The following TTPAL variants were observed in gnomAD, a reference collection of about 807,000 sequenced individuals.
TTPAL encodes alpha tocopherol transfer protein like, also known as alpha-tocopherol transfer protein-like.
TTPAL carries 21 observed loss-of-function variants against 28.7 expected under a neutral mutation model. That is an observed-to-expected ratio of 0.73 (90% CI 0.52 to 1.06). The LOEUF is 1.06. Ranked by LOEUF, TTPAL falls within the 50% of genes least tolerant of loss-of-function variation. The pLI is 0.00. For synonymous variants in TTPAL, 169 were observed against 171.9 expected, an observed-to-expected ratio of 0.98 and a Z score of 0.13; for missense variants, 345 against 425.5, an observed-to-expected ratio of 0.81 and a Z score of 1.67.
In TTPAL at chr20:44,480,075, C is replaced by T. The variant is rs1311513179; in HGVS notation, c.76C>T (p.Pro26Ser). 1 of 1,614,248 alleles carries T rather than the reference C, an allele frequency of 6.2e-7. No homozygotes were observed. The highest frequency in any genetic ancestry group is 1.7e-5 in the Admixed American group (1 of 60,022). ...SLSENELPPP[P>S]EPPGYVCSLT... ...CTCTGAAAATGAGCTGCCACCACCACCTGAGCCTCCGGGCTATGTGTGCTC... is the reference window on the plus strand; with the variant it reads ...CTCTGAAAATGAGCTGCCACCACCATCTGAGCCTCCGGGCTATGTGTGCTC... Residue 26 changes from proline to serine, a missense_variant, in exon 2 of 5, where the codon CCT becomes TCT. Transcript: ENST00000262605. This position sits in a 1 kb window ranked among gnomAD's most constrained non-coding sequence, Gnocchi z 4.1.
At chr20:44,487,956 A>C (rs1460383972) in intron 4 of TTPAL, among the ~76,000 whole-genome samples, 3 of 152,122 alleles carry the variant, frequency 2.0e-5, no homozygotes, top group African/African-American at 7.2e-5. Context: ...TTTAGTAGAG[A>C]TAGGCTTTTA....
At chr20:44,478,759 G>A (rs772392698) in intron 1 of TTPAL, 1 of 152,144 alleles carries the variant, frequency 6.6e-6, no homozygotes, top group East Asian at 1.9e-4. Context: ...TTTTTAATAT[G>A]TCAATTCATA....
rs201665521 is a variant in TTPAL, at chr20:44,487,799, C to T, written c.750+1093C>T. Among the ~76,000 whole-genome samples the T allele has an allele frequency of 3.9e-5, 6 of 152,276 alleles. No homozygotes were observed. In the East Asian group the frequency reaches 5.8e-4, roughly 15 times the overall value. Reference sequence around the variant, plus strand: ...TTTTTCTTTTTTTGAGACGGAGTCTCGCTCCGTCACCCAGGCTGGAGTGCA... The same window carrying T: ...TTTTTCTTTTTTTGAGACGGAGTCTTGCTCCGTCACCCAGGCTGGAGTGCA... On this transcript the variant is annotated intron_variant, in intron 4 of 4. Coordinates refer to ENST00000262605, the MANE Select transcript of TTPAL (RefSeq NM_001039199.3).
intron 1 of TTPAL, among the ~76,000 whole-genome samples, chr20:44,479,529 G>A (rs763210691): frequency 4.7e-5 from 7 of 148,962 alleles, no homozygotes; most frequent in African/African-American, 1.5e-4. Context: ...CTCCCAAGTA[G>A]CTGAGATTAC....
At chr20:44,489,164 T>G in intron 4 of TTPAL, 99 bp from the exon 5 acceptor site, 6 of 1,347,640 alleles carry the variant, frequency 4.5e-6, no homozygotes, top group Non-Finnish European at 6.1e-6. Flanking sequence ...TTTCCTTTCT[T>G]CATTCAACAG....
chr20:44,489,738 A>G lies in TTPAL; in HGVS notation c.*197A>G. The G allele has an allele frequency of 1.7e-6, 1 of 580,754 alleles. No homozygotes were observed. The highest frequency in any genetic ancestry group is 3.0e-6 in the Non-Finnish European group (1 of 333,592). The allele number at this position is 580,754 out of a possible 1,614,324, so 36.0% of individuals were successfully genotyped here. A position where few individuals can be genotyped will look rare whatever the true frequency, so the allele number is the denominator to read the frequency against. On this transcript the variant is annotated 3_prime_UTR_variant, in exon 5 of 5. Coordinates refer to ENST00000262605, the MANE Select transcript of TTPAL (RefSeq NM_001039199.3). ...TTTAATTACTCCATGGAAGACATGGAAAATGTCCCCACTGATTCTTAAACA... is the reference window on the plus strand; with the variant it reads ...TTTAATTACTCCATGGAAGACATGGGAAATGTCCCCACTGATTCTTAAACA...
In TTPAL at chr20:44,489,437, G is replaced by A. The variant is rs776933800; in HGVS notation, c.925G>A (p.Asp309Asn). Residue 309 changes from aspartate to asparagine, a missense_variant, in exon 5 of 5, where the codon GAC becomes AAC. By Grantham distance (23) the Asp-to-Asn change is conservative. Transcript: ENST00000262605. ...GTTCTGCCAACCTGTTCCTGCCTGT[G>A]ACAGCATCCTGGGCCAGACGCTGCT... is the stretch of plus-strand genomic sequence containing the variant. ...KEFCQPVPAC[D>N]SILGQTLLPE... 1 of 1,614,184 alleles carries A rather than the reference G, an allele frequency of 6.2e-7. No homozygotes were observed. The highest frequency in any genetic ancestry group is 1.7e-5 in the Admixed American group (1 of 60,020).
chr20:44,478,877 C>T (rs1370307289), intron 1 of TTPAL, among the ~76,000 whole-genome samples: 1 of 152,168 alleles, frequency 6.6e-6, no homozygotes, highest in African/African-American at 2.4e-5. Flanking sequence ...GCAAGCTCTG[C>T]CTCCCGGGTT....
rs1393438532 is a variant in TTPAL, at chr20:44,491,000, C to T, written c.*1459C>T. On this transcript the variant is annotated 3_prime_UTR_variant, in exon 5 of 5. Transcript: ENST00000262605. The stretch of plus-strand genomic sequence containing the variant: ...CTGAGGCAGAAGAATCACGTGAACC[C>T]AGGAGGCAGAAGTGGCAGTGAGCCA... The T allele has an allele frequency of 6.8e-6, 1 of 146,534 alleles. No homozygotes were observed. Among genetic ancestry groups the T allele is most frequent in the Admixed American group, 7.2e-5 (1 of 13,882 alleles). The allele number at this position is 146,534 out of a possible 1,614,324, so 9.1% of individuals were successfully genotyped here.
At position 44,491,915 on chromosome 20, in the gene TTPAL, G is replaced by A. The variant is rs1037014073; in HGVS notation, c.*2374G>A. ...GCCAGTCGCATTTGTTTTAATGCAG[G>A]CATGGCCACAGCTCTCCTAGAGAAT... On this transcript the variant is annotated 3_prime_UTR_variant, in exon 5 of 5. Transcript: ENST00000262605. 3.9e-5 allele frequency: 6 copies of A among 152,378 alleles called. No individual in the cohort carries two copies. The highest frequency in any genetic ancestry group is 1.4e-4 in the African/African-American group (6 of 41,450). 9.4% of individuals were successfully genotyped at this position (152,378 alleles called of 1,614,324 possible).
In TTPAL at chr20:44,489,813, T is replaced by C; in HGVS notation, c.*272T>C. ...TAATCTGGAGGCTATATCTATTTTGTTTTGCTTTTTGGTTGGGGGGTGGTG... is the reference window on the plus strand; with the variant it reads ...TAATCTGGAGGCTATATCTATTTTGCTTTGCTTTTTGGTTGGGGGGTGGTG... On this transcript the variant is annotated 3_prime_UTR_variant, in exon 5 of 5. Transcript: ENST00000262605. The C allele has an allele frequency of 5.1e-6, 2 of 395,768 alleles. No individual in the cohort carries two copies. The highest frequency in any genetic ancestry group is 9.1e-6 in the Non-Finnish European group (2 of 220,096). The allele number at this position is 395,768 out of a possible 1,614,324, so 24.5% of individuals were successfully genotyped here.
chr20:44,489,014 AAT>A (rs2064178440), intron 4 of TTPAL, among the ~76,000 whole-genome samples: 1 of 152,120 alleles, frequency 6.6e-6, no homozygotes, highest in Non-Finnish European at 1.5e-5. Flanking sequence ...CCATTAATTG[AAT>A]AGTGTGGTGG....
Position 44,480,470 on chromosome 20 carries a change from G to A in TTPAL, c.445+26G>A, listed in dbSNP as rs754923177. 39 of 1,556,408 alleles carry A rather than the reference G, an allele frequency of 2.5e-5. No homozygotes were observed. The highest frequency in any genetic ancestry group is 3.6e-5 in the South Asian group (3 of 83,008). Reference sequence around the variant, plus strand: ...GTATCTCCCTAGACTGTTGTGGGGTGTGTGTGTCCAGTCCTTCTGCAGTGT... The same window carrying A: ...GTATCTCCCTAGACTGTTGTGGGGTATGTGTGTCCAGTCCTTCTGCAGTGT... On this transcript the variant is annotated intron_variant, in intron 2 of 4. Transcript: ENST00000262605. This position sits in a 1 kb window ranked among gnomAD's most constrained non-coding sequence, Gnocchi z 4.1.
chr20:44,493,331 A>G lies in TTPAL; in HGVS notation c.*3790A>G, dbSNP rs903286053. On this transcript the variant is annotated 3_prime_UTR_variant, in exon 5 of 5. Coordinates refer to ENST00000262605, the MANE Select transcript of TTPAL (RefSeq NM_001039199.3). ...GTTACAAAACACCATTTTTCCCGAA[A>G]TAAGACAATAAGAGGCTTTTCTCTG... is the stretch of plus-strand genomic sequence containing the variant. 1 of 152,310 alleles carries G rather than the reference A, an allele frequency of 6.6e-6. No individual in the cohort carries two copies. Among genetic ancestry groups the G allele is most frequent in the African/African-American group, 2.4e-5 (1 of 41,438 alleles). 9.4% of individuals were successfully genotyped at this position (152,310 alleles called of 1,614,324 possible). A position where few individuals can be genotyped will look rare whatever the true frequency, so the allele number is the denominator to read the frequency against.
In TTPAL at chr20:44,480,041, G is replaced by A; in HGVS notation, c.42G>A (p.Val14=). 6.2e-7 allele frequency: 1 copy of A among 1,614,068 alleles called. No individual in the cohort carries two copies. Among genetic ancestry groups the A allele is most frequent in the South Asian group, 1.1e-5 (1 of 91,074 alleles). Residue 14 remains valine, a synonymous_variant, in exon 2 of 5, where the codon GTG becomes GTA. Transcript: ENST00000262605. The surrounding 1 kb of genome is among the most constrained non-coding windows in gnomAD (Gnocchi z 4.1). ...ESDSLRTSPS[V]ASLSENELPP... ...ACTCTCTGAGAACCAGCCCTTCTGT[G>A]GCCTCACTCTCTGAAAATGAGCTGC...
chr20:44,482,700 G>C (rs903953576), intron 2 of TTPAL, among the ~76,000 whole-genome samples: 1 of 151,900 alleles, frequency 6.6e-6, no homozygotes, highest in Non-Finnish European at 1.5e-5. Flanking sequence ...GTGGTTAACA[G>C]TAAAAAGTGG....
chr20:44,486,652 T>C lies in TTPAL; in HGVS notation c.696T>C (p.Phe232=), dbSNP rs1395968544. 6.2e-7 allele frequency: 1 copy of C among 1,613,650 alleles called. No homozygotes were observed. Among genetic ancestry groups the C allele is most frequent in the African/African-American group, 1.3e-5 (1 of 74,934 alleles). The part of the protein sequence containing the change: ...AVHVVNEPRI[F]KGIFAIIKPF... ...ATGTGGTGAATGAACCTCGAATATT[T>C]AAAGGCATTTTTGCCATCATAAAAC... The change falls in exon 4 of 5, where the codon TTT becomes TTC. Residue 232 remains phenylalanine, a synonymous_variant. Transcript: ENST00000262605.
chr20:44,488,418 A>G (rs2064172428), intron 4 of TTPAL, among the ~76,000 whole-genome samples: 1 of 152,132 alleles, frequency 6.6e-6, no homozygotes, highest in Admixed American at 6.6e-5. Context: ...TTATTCAGAA[A>G]TATCTATTGA....
At chr20:44,476,392 A>G (rs1183725298) in intron 1 of TTPAL, among the ~76,000 whole-genome samples, 1 of 152,094 alleles carries the variant, frequency 6.6e-6, no homozygotes, top group Non-Finnish European at 1.5e-5. Context: ...GTCCCTGGAG[A>G]GTCAACATGA....
Sources: gnomAD v4.1 joint callset for allele counts (sites outside exome capture counted in the v4.1 genomes callset) on GRCh38, gnomAD v4.1.1 for gene constraint, Gnocchi (gnomAD v3.1) non-coding constraint, MANE v1.5 for transcripts, NCBI Gene and HGNC (gene_info 2026-07-23, HGNC 2026-07-21) for gene names.